Variants in DAB1 observed in about 807,000 individuals in gnomAD.
The protein encoded by DAB1 is DAB adaptor protein 1, also known as disabled homolog 1.
DAB1 carries 15 observed loss-of-function variants against 64.6 expected under a neutral mutation model. That is an observed-to-expected ratio of 0.23 (90% CI 0.16 to 0.36). The LOEUF is 0.36. DAB1 is among the 10% of genes least tolerant of loss of function. DAB1 has a pLI of 1.00. For synonymous variants in DAB1, 235 were observed against 251.9 expected (o/e 0.93, Z 0.64); for missense variants, 596 against 706.7 (o/e 0.84, Z 1.78).
chr1:58,414,296 G>A (rs1459250149), intron 3 of DAB1, among the ~76,000 whole-genome samples: 2 of 152,166 alleles, frequency 1.3e-5, no homozygotes, highest in African/African-American at 2.4e-5. Flanking sequence ...TCCTGCAGAA[G>A]CAGCTCAGGT....
At chr1:57,748,070 T>G (rs1648371135) in intron 6 of DAB1, among the ~76,000 whole-genome samples, 1 of 152,134 alleles carries the variant, frequency 6.6e-6, no homozygotes, top group Non-Finnish European at 1.5e-5. Context: ...TCAAGGCAAT[T>G]TACAGAGATT....
chr1:57,656,920 T>A (rs1211426834), intron 6 of DAB1, among the ~76,000 whole-genome samples: 2 of 152,246 alleles, frequency 1.3e-5, no homozygotes, highest in Non-Finnish European at 2.9e-5. Flanking sequence ...TGTTGTAACA[T>A]TAAGTACTAC....
chr1:57,914,537 G>GT (rs1214626879), intron 5 of DAB1, among the ~76,000 whole-genome samples: 1 of 151,872 alleles, frequency 6.6e-6, no homozygotes, highest in Admixed American at 6.6e-5. Context: ...AAACCTGCAC[G>GT]TTGTGCACAT....
upstream of DAB1, among the ~76,000 whole-genome samples, chr1:57,888,729 T>C (rs1268911998): frequency 6.6e-6 from 1 of 152,178 alleles, no homozygotes; most frequent in Non-Finnish European, 1.5e-5. Flanking sequence ...TTATCGCCAA[T>C]AGAATAGACT....
intron 5 of DAB1, among the ~76,000 whole-genome samples, chr1:57,989,540 C>T (rs960694197): frequency 1.3e-5 from 2 of 152,150 alleles, no homozygotes; most frequent in Admixed American, 1.3e-4. Flanking sequence ...CCCTCAATTT[C>T]TCCTGACTGT....
intron 14 of DAB1, among the ~76,000 whole-genome samples, chr1:57,008,051 T>A (rs965569866): frequency 2.0e-5 from 3 of 152,204 alleles, no homozygotes; most frequent in Non-Finnish European, 4.4e-5. Context: ...AACTGTGAAG[T>A]GGCCAGGCTA....
intron 5 of DAB1, among the ~76,000 whole-genome samples, chr1:57,914,670 A>G (rs1644699713): frequency 6.6e-6 from 1 of 152,234 alleles, no homozygotes; most frequent in African/African-American, 2.4e-5. Context: ...ACAGATGAAT[A>G]ACTGAAAATG....
At chr1:58,298,672 G>A (rs549933086) in intron 4 of DAB1, among the ~76,000 whole-genome samples, 13 of 152,330 alleles carry the variant, frequency 8.5e-5, no homozygotes, top group Non-Finnish European at 1.3e-4. Flanking sequence ...GGAAGAGTCC[G>A]AGGACTAGAA....
intron 5 of DAB1, among the ~76,000 whole-genome samples, chr1:58,126,133 C>A (rs1653062845): frequency 6.6e-6 from 1 of 152,172 alleles, no homozygotes; most frequent in Admixed American, 6.5e-5. Context: ...ATCAGTCTGA[C>A]CTTTTCCCAC....
intron 7 of DAB1, among the ~76,000 whole-genome samples, chr1:57,457,563 A>G (rs1057208227): frequency 6.6e-6 from 1 of 152,164 alleles, no homozygotes; most frequent in Non-Finnish European, 1.5e-5. Flanking sequence ...TTCTCAATGT[A>G]TACAGAAAGA....
At chr1:58,499,477 T>TATAGATAGATAGATAG (rs60917151) in intron 3 of DAB1, among the ~76,000 whole-genome samples, 27,577 of 143,540 alleles carry the variant, frequency 0.19, 2,803 homozygotes, top group East Asian at 0.21. Flanking sequence ...AAAGCCAGAC[T>TATAGATAGATAGATAG]ATAGATAGAT....
At chr1:58,008,852 C>A (rs964127691) in intron 5 of DAB1, among the ~76,000 whole-genome samples, 1 of 152,146 alleles carries the variant, frequency 6.6e-6, no homozygotes, top group African/African-American at 2.4e-5. Context: ...AGTTCCAATT[C>A]TTCTACTCAT....
At chr1:57,832,469 C>A (rs1230583615) in intron 1 of DAB1, among the ~76,000 whole-genome samples, 1 of 152,156 alleles carries the variant, frequency 6.6e-6, no homozygotes, top group African/African-American at 2.4e-5. Flanking sequence ...AGATCTTGGT[C>A]CAACATTTTG....
At chr1:57,118,393 C>T (rs1378956308) in intron 4 of DAB1, among the ~76,000 whole-genome samples, 1 of 152,194 alleles carries the variant, frequency 6.6e-6, no homozygotes, top group Non-Finnish European at 1.5e-5. Context: ...TAAGACACAA[C>T]ATATACTAGC....
intron 4 of DAB1, among the ~76,000 whole-genome samples, chr1:58,163,030 A>G (rs1027532410): frequency 6.6e-6 from 1 of 152,136 alleles, no homozygotes; most frequent in Non-Finnish European, 1.5e-5. Flanking sequence ...CCATCCCCCA[A>G]GAAAGAATGA....
At chr1:57,475,169 C>T (rs1643918868) in intron 7 of DAB1, among the ~76,000 whole-genome samples, 1 of 152,138 alleles carries the variant, frequency 6.6e-6, no homozygotes, top group African/African-American at 2.4e-5. Context: ...CCCAGCTACT[C>T]AGGAGGCTGA....
At chr1:57,966,748 T>G (rs1645675925) in intron 5 of DAB1, among the ~76,000 whole-genome samples, 1 of 152,218 alleles carries the variant, frequency 6.6e-6, no homozygotes. Flanking sequence ...ATTTCCAGTT[T>G]TTCTGGGCAT....
intron 7 of DAB1, among the ~76,000 whole-genome samples, chr1:57,620,871 T>C (rs1282781106): frequency 2.0e-5 from 3 of 152,138 alleles, no homozygotes; most frequent in African/African-American, 4.8e-5. Context: ...ACGCAGAGCT[T>C]TGTTTGTGTT....
intron 2 of DAB1, among the ~76,000 whole-genome samples, chr1:57,154,912 T>C (rs1308985691): frequency 6.6e-6 from 1 of 152,216 alleles, no homozygotes; most frequent in African/African-American, 2.4e-5. Context: ...CCTATGGAGT[T>C]GTTTGAGCTC....
Sources: gnomAD v4.1 joint callset for allele counts (sites outside exome capture counted in the v4.1 genomes callset) on GRCh38, gnomAD v4.1.1 for gene constraint, MANE v1.5 for transcripts, NCBI Gene and HGNC (gene_info 2026-07-23, HGNC 2026-07-21) for gene names.